TMEM260: variants seen among roughly 807,000 people sequenced by gnomAD.
The protein encoded by TMEM260 is protein O-mannosyl-transferase TMEM260.
TMEM260 carries 82 observed loss-of-function variants against 88.9 expected under a neutral mutation model. The observed-to-expected ratio is 0.92, with a 90% CI of 0.77 to 1.11. TMEM260 has a LOEUF of 1.11. Ranked by LOEUF, TMEM260 falls within the 50% of genes least tolerant of loss-of-function variation. The pLI is 0.00. For synonymous variants in TMEM260, 314 were observed against 309.3 expected, an observed-to-expected ratio of 1.02 and a Z score of -0.16; for missense variants, 902 against 853.4, an observed-to-expected ratio of 1.06 and a Z score of -0.71.
chr14:56,585,037 G>GT lies in TMEM260; in HGVS notation c.192+6dup. On this transcript the variant is annotated splice_donor_region_variant and intron_variant, in intron 2 of 15. Transcript: ENST00000261556. ...ACAGCCGCACATGAGCTTGGAGTAA[G>GT]TATTAGTTTTATTGTTTAATCAATG... is the stretch of plus-strand genomic sequence containing the variant. The GT allele has an allele frequency of 6.2e-7, 1 of 1,610,822 alleles. No individual in the cohort carries two copies. The highest frequency in any genetic ancestry group is 8.5e-7 in the Non-Finnish European group (1 of 1,178,422).
downstream of TMEM260, chr14:56,650,478 TGTTGTTTTTTAAAA>T (rs1890185287): frequency 1.3e-5 from 2 of 155,210 alleles, no homozygotes; most frequent in Non-Finnish European, 2.9e-5. Context: ...TGCCTTTTTT[TGTTGTTTTTTAAAA>T]GCACCCATTT....
chr14:56,629,847 C>G (rs1888468955), intron 12 of TMEM260, among the ~76,000 whole-genome samples: 1 of 151,908 alleles, frequency 6.6e-6, no homozygotes, highest in Middle Eastern at 3.2e-3. Flanking sequence ...CCAACCTTGA[C>G]TACATAGGGA....
At chr14:56,607,388 T>C (rs1248491828) in intron 5 of TMEM260, among the ~76,000 whole-genome samples, 3 of 152,212 alleles carry the variant, frequency 2.0e-5, no homozygotes, top group Admixed American at 6.5e-5. Flanking sequence ...CTGTTTTCCC[T>C]GTACTGAGGT....
Position 56,580,021 on chromosome 14 carries a change from T to C in TMEM260, c.107T>C (p.Val36Ala), listed in dbSNP as rs557645886. The C allele has an allele frequency of 4.8e-6, 6 of 1,249,226 alleles. No homozygotes were observed. The East Asian group carries it at 1.6e-4, about 33-fold the overall frequency. The allele number at this position is 1,249,226 out of a possible 1,614,324, so 77.4% of individuals were successfully genotyped here. The change falls in exon 1 of 16, where the codon GTG becomes GCG. Residue 36 changes from valine to alanine, a missense_variant. Val to Ala is a moderately conservative substitution (Grantham distance 64). Coordinates refer to ENST00000261556, the MANE Select transcript of TMEM260 (RefSeq NM_017799.4). ...GGCGGCGTGGCGGTGTTCGCCGCCG[T>C]GGCCGCAGTGTTCACCTTCACCCTG... is the stretch of plus-strand genomic sequence containing the variant. Reference protein sequence around the residue: ...IRGGVAVFAAVAAVFTFTLPP... With the variant: ...IRGGVAVFAAAAAVFTFTLPP...
At chr14:56,642,772 TAAA>T (rs1379570128) in intron 15 of TMEM260, among the ~76,000 whole-genome samples, 1 of 151,822 alleles carries the variant, frequency 6.6e-6, no homozygotes, top group Non-Finnish European at 1.5e-5. Flanking sequence ...GCAAGACTAA[TAAA>T]GAAGAAAAGA....
At chr14:56,603,158 T>C (rs1447311359) in intron 3 of TMEM260, among the ~76,000 whole-genome samples, 1 of 152,150 alleles carries the variant, frequency 6.6e-6, no homozygotes, top group Non-Finnish European at 1.5e-5. Flanking sequence ...AATTTGTTTC[T>C]GAGTGTAGCA....
chr14:56,614,896 A>G (rs1259637897), intron 7 of TMEM260, among the ~76,000 whole-genome samples: 3 of 152,196 alleles, frequency 2.0e-5, no homozygotes, highest in Non-Finnish European at 4.4e-5. Context: ...CTAATCATCT[A>G]CCCTTTTCCA....
chr14:56,612,543 C>T (rs539088848), intron 7 of TMEM260: 9 of 475,024 alleles, frequency 1.9e-5, no homozygotes, highest in African/African-American at 1.8e-4. Flanking sequence ...TGTATATAAC[C>T]TATTTACATC....
chr14:56,613,841 C>T (rs1307585999), intron 7 of TMEM260: 2 of 150,136 alleles, frequency 1.3e-5, no homozygotes, highest in African/African-American at 4.9e-5. Context: ...GGGAGGATCG[C>T]TTGAGCCCAG....
At chr14:56,647,170 GT>G in intron 15 of TMEM260, 72 bp from the exon 16 acceptor site, 4 of 1,484,772 alleles carry the variant, frequency 2.7e-6, no homozygotes, top group Middle Eastern at 3.6e-4. Flanking sequence ...TAATTCCTCT[GT>G]GTTTTTTTGT....
intron 15 of TMEM260, among the ~76,000 whole-genome samples, chr14:56,637,597 A>G (rs376579001): frequency 6.6e-6 from 1 of 152,246 alleles, no homozygotes; most frequent in Non-Finnish European, 1.5e-5. Context: ...ACAAGGGCCA[A>G]TGAAAACAGA....
At chr14:56,634,800 C>G (rs995711260) in intron 13 of TMEM260, 99 bp from the exon 14 acceptor site, 7 of 1,025,438 alleles carry the variant, frequency 6.8e-6, no homozygotes, top group Non-Finnish European at 9.1e-6. Flanking sequence ...CAAGATCGCA[C>G]CATTGCATTC....
intron 12 of TMEM260, among the ~76,000 whole-genome samples, chr14:56,629,843 T>G (rs541989561): frequency 5.5e-4 from 83 of 152,202 alleles, no homozygotes; most frequent in African/African-American, 1.9e-3. Flanking sequence ...AAGACCAACC[T>G]TGACTACATA....
chr14:56,633,317 A>C (rs1888769235), intron 13 of TMEM260, 146 bp downstream of exon 13: 1 of 605,646 alleles, frequency 1.7e-6, no homozygotes, highest in African/African-American at 1.9e-5. Flanking sequence ...ACCATAAAAC[A>C]ACAGAAAGAG....
rs569063987 is a variant in TMEM260, at chr14:56,642,265, A to C, written c.1870-4978A>C. 3.2e-3 allele frequency among the ~76,000 whole-genome samples: 489 copies of C among 152,190 alleles called. 5 individuals carry two copies. The highest frequency in any genetic ancestry group is 0.025 in the Admixed American group (382 of 15,274). ...TTGACCACATAGTTGGAAGTAAAGCACTCCTCAGCAAATGTAAAAGAACAG... is the reference window on the plus strand; with the variant it reads ...TTGACCACATAGTTGGAAGTAAAGCCCTCCTCAGCAAATGTAAAAGAACAG... On this transcript the variant is annotated intron_variant, in intron 15 of 15. Coordinates refer to ENST00000261556, the MANE Select transcript of TMEM260 (RefSeq NM_017799.4).
intron 1 of TMEM260, 77 bp downstream of exon 1, chr14:56,580,151 G>A: frequency 8.4e-7 from 1 of 1,193,730 alleles, no homozygotes. Context: ...TCTGGCCCCT[G>A]CTCTTGGCAT....
intron 15 of TMEM260, among the ~76,000 whole-genome samples, chr14:56,645,124 C>T (rs1217964712): frequency 6.6e-6 from 1 of 150,756 alleles, no homozygotes; most frequent in African/African-American, 2.4e-5. Context: ...TACCATTTGA[C>T]CCAGCCATCC....
At chr14:56,594,031 ATAG>A (rs1200759100) in intron 3 of TMEM260, among the ~76,000 whole-genome samples, 2 of 152,058 alleles carry the variant, frequency 1.3e-5, no homozygotes, top group South Asian at 2.1e-4. Flanking sequence ...TAAAATTATC[ATAG>A]TGGTGGTGGT....
At chr14:56,615,877 G>A (rs1201151835) in intron 7 of TMEM260, 67 bp from the exon 8 acceptor site, 1 of 1,096,234 alleles carries the variant, frequency 9.1e-7, no homozygotes, top group Non-Finnish European at 1.4e-6. Flanking sequence ...TATCTTACAA[G>A]GACTATTTTA....
Sources: allele counts gnomAD v4.1 joint callset (sites outside exome capture counted in the v4.1 genomes callset), GRCh38; gene constraint gnomAD v4.1.1; transcripts MANE v1.5; gene names NCBI Gene and HGNC (gene_info 2026-07-23, HGNC 2026-07-21).